The following ARHGAP22 variants were observed in gnomAD, a reference collection of about 807,000 sequenced individuals.
ARHGAP22 encodes Rho GTPase activating protein 22.
Under a neutral mutation model 59.1 loss-of-function variants are expected in ARHGAP22, and 48 were observed. That is an observed-to-expected ratio of 0.81 (90% CI 0.64 to 1.03). The LOEUF (loss-of-function observed/expected upper bound fraction) is 1.03, where lower values mean the gene tolerates loss of function less well. Among genes scored for constraint, ARHGAP22 ranks in the 50% least tolerant of loss-of-function variants. The pLI, the probability that ARHGAP22 is intolerant of heterozygous loss-of-function variation, is 0.00. For missense variants in ARHGAP22, 1,015 were observed against 958.7 expected (o/e 1.06, Z -0.78); for synonymous variants, 445 against 416.4 (o/e 1.07, Z -0.84).
intron 1 of ARHGAP22, among the ~76,000 whole-genome samples, chr10:48,590,334 G>A (rs531007029): frequency 8.5e-5 from 13 of 152,086 alleles, no homozygotes; most frequent in Non-Finnish European, 1.8e-4. Context: ...GATGAGTCAA[G>A]AGGGAGCTTC....
intron 4 of ARHGAP22, among the ~76,000 whole-genome samples, chr10:48,469,337 G>A (rs1292740522): frequency 6.6e-6 from 1 of 152,260 alleles, no homozygotes. Context: ...GGGGATGGGA[G>A]TGCAGAGACA....
At chr10:48,477,450 A>G (rs565305281) in intron 4 of ARHGAP22, among the ~76,000 whole-genome samples, 6 of 152,316 alleles carry the variant, frequency 3.9e-5, no homozygotes, top group African/African-American at 1.2e-4. Context: ...GCTATCATCA[A>G]TAAGGCTGCC....
intron 2 of ARHGAP22, among the ~76,000 whole-genome samples, chr10:48,564,473 C>T (rs1336352250): frequency 6.6e-6 from 1 of 152,222 alleles, no homozygotes; most frequent in Non-Finnish European, 1.5e-5. Context: ...AGAAAACTTA[C>T]ACTCTGGGAG....
At chr10:48,583,203 C>A in intron 1 of ARHGAP22, 51 bp from the exon 2 acceptor site, 2 of 1,565,136 alleles carry the variant, frequency 1.3e-6, no homozygotes. Flanking sequence ...TGCCTGCTAT[C>A]AGTCCTGCCC....
intron 3 of ARHGAP22, among the ~76,000 whole-genome samples, chr10:48,530,228 C>G (rs965469604): frequency 9.8e-6 from 1 of 101,600 alleles, no homozygotes; most frequent in African/African-American, 4.4e-5. Flanking sequence ...CAGAGTGAGA[C>G]TCCATTGCAA....
In ARHGAP22 at chr10:48,604,758, C is replaced by CT; in HGVS notation, c.34+4dup. On this transcript the variant is annotated splice_donor_region_variant and intron_variant, in intron 1 of 9. Coordinates refer to ENST00000249601, the MANE Select transcript of ARHGAP22 (RefSeq NM_021226.4). The stretch of plus-strand genomic sequence containing the variant: ...CCCAGAGAAACCCCAGAAAGTTGGA[C>CT]TTACCCCTCCTGGCCTGCCTGATCT... 6.2e-7 allele frequency: 1 copy of CT among 1,614,250 alleles called. No individual in the cohort carries two copies. The highest frequency in any genetic ancestry group is 8.5e-7 in the Non-Finnish European group (1 of 1,180,048).
chr10:48,456,402 G>T (rs1292760902), intron 5 of ARHGAP22, among the ~76,000 whole-genome samples: 5 of 152,114 alleles, frequency 3.3e-5, no homozygotes, highest in Non-Finnish European at 1.5e-5. Flanking sequence ...CTGGATCCAG[G>T]CAGCCCCCAT....
chr10:48,650,907 G>T (rs1488965781), intron 1 of ARHGAP22, among the ~76,000 whole-genome samples: 1 of 152,192 alleles, frequency 6.6e-6, no homozygotes, highest in African/African-American at 2.4e-5. Context: ...TGTGAGAAGT[G>T]TCTGCAGCAC....
chr10:48,559,420 A>G (rs2057539390), intron 2 of ARHGAP22, among the ~76,000 whole-genome samples: 2 of 152,214 alleles, frequency 1.3e-5, no homozygotes, highest in Admixed American at 1.3e-4. Context: ...CTCTAGCGCC[A>G]TACAAATGCA....
chr10:48,592,744 C>A (rs190649643), intron 1 of ARHGAP22, among the ~76,000 whole-genome samples: 1 of 152,288 alleles, frequency 6.6e-6, no homozygotes, highest in Admixed American at 6.5e-5. Context: ...TCTTTCCCTG[C>A]CCCAGAACCC....
chr10:48,555,411 G>A (rs1046429031), intron 3 of ARHGAP22, 52 bp downstream of exon 3: 42 of 1,564,062 alleles, frequency 2.7e-5, no homozygotes, highest in African/African-American at 2.3e-4. Flanking sequence ...CAGGCCAGGG[G>A]CATGGCAACA....
intron 5 of ARHGAP22, among the ~76,000 whole-genome samples, chr10:48,457,778 A>G (rs2046697929): frequency 6.6e-6 from 1 of 152,126 alleles, no homozygotes; most frequent in Admixed American, 6.5e-5. Flanking sequence ...TATAGAGATG[A>G]GCAGGAAAGT....
At chr10:48,641,541 A>G (rs973614158) in intron 1 of ARHGAP22, among the ~76,000 whole-genome samples, 1 of 152,244 alleles carries the variant, frequency 6.6e-6, no homozygotes, top group Admixed American at 6.5e-5. Context: ...ACAAAATTCA[A>G]CAGCCCTTCA....
chr10:48,578,584 C>G lies in ARHGAP22; in HGVS notation c.234+4369G>C, dbSNP rs865961806. 7.5e-4 allele frequency among the ~76,000 whole-genome samples: 114 copies of G among 152,020 alleles called. 1 individual carries two copies. In the Middle Eastern group the frequency reaches 0.031, roughly 41 times the overall value. On this transcript the variant is annotated intron_variant, in intron 2 of 9. Coordinates refer to ENST00000249601, the MANE Select transcript of ARHGAP22 (RefSeq NM_021226.4). ...TGTGTGTGTTTGATCTTCGCTCTCT[C>G]ATGCCTGCACACTCTCCTCAATGTC...
intron 3 of ARHGAP22, among the ~76,000 whole-genome samples, chr10:48,508,420 G>A (rs2052382372): frequency 6.6e-6 from 1 of 152,182 alleles, no homozygotes; most frequent in Non-Finnish European, 1.5e-5. Context: ...GGGCTGCTGT[G>A]TCCTGGCTGC....
At chr10:48,472,289 C>T (rs1295761077) in intron 4 of ARHGAP22, among the ~76,000 whole-genome samples, 1 of 151,260 alleles carries the variant, frequency 6.6e-6, no homozygotes, top group South Asian at 2.1e-4. Flanking sequence ...TTTGGGAGGC[C>T]GAGGCAGGTG....
At chr10:48,624,154 C>T (rs2061370815) in intron 1 of ARHGAP22, 1 of 152,484 alleles carries the variant, frequency 6.6e-6, no homozygotes, top group Admixed American at 6.5e-5. Flanking sequence ...AAGAGAGGGC[C>T]TAGGCCGGGC....
chr10:48,590,332 A>T (rs2059675859), intron 1 of ARHGAP22, among the ~76,000 whole-genome samples: 1 of 152,026 alleles, frequency 6.6e-6, no homozygotes, highest in Admixed American at 6.5e-5. Flanking sequence ...GTGATGAGTC[A>T]AGAGGGAGCT....
intron 1 of ARHGAP22, among the ~76,000 whole-genome samples, chr10:48,638,067 C>G (rs2061895177): frequency 6.6e-6 from 1 of 152,196 alleles, no homozygotes; most frequent in Non-Finnish European, 1.5e-5. Flanking sequence ...TCTGCCCATC[C>G]ACTACCCCTC....
Sources: allele counts gnomAD v4.1 joint callset (sites outside exome capture counted in the v4.1 genomes callset), GRCh38; gene constraint gnomAD v4.1.1; transcripts MANE v1.5; gene names NCBI Gene and HGNC (gene_info 2026-07-23, HGNC 2026-07-21).